Variants in PMPCB observed in about 807,000 individuals in gnomAD.
PMPCB encodes the protein peptidase, mitochondrial processing subunit beta.
PMPCB carries 46 observed loss-of-function variants against 61.5 expected under a neutral mutation model. The ratio of observed to expected loss-of-function variants is 0.75; its 90% confidence interval spans 0.59 to 0.96. The LOEUF is 0.96. PMPCB is among the 40% of genes least tolerant of loss of function. The probability of loss-of-function intolerance (pLI) is 0.00; values close to 1 mark genes in which losing one functional copy is unlikely to be tolerated. For synonymous variants in PMPCB, 191 were observed against 201.6 expected, an observed-to-expected ratio of 0.95 and a Z score of 0.44; for missense variants, 590 against 602.4, an observed-to-expected ratio of 0.98 and a Z score of 0.22.
At position 103,313,707 on chromosome 7, in the gene PMPCB, C is replaced by G; in HGVS notation, c.*1436C>G. 1.0e-6 allele frequency: 1 copy of G among 985,354 alleles called. No homozygotes were observed. The highest frequency in any genetic ancestry group is 1.2e-6 in the Non-Finnish European group (1 of 829,864). The allele number at this position is 985,354 out of a possible 1,614,324, so 61.0% of individuals were successfully genotyped here. A position where few individuals can be genotyped will look rare whatever the true frequency, so the allele number is the denominator to read the frequency against. On this transcript the variant is annotated 3_prime_UTR_variant, in exon 13 of 13. Transcript: ENST00000249269. ...CTTGGGAGCCGATGCTGAACACTTC[C>G]AATAACTGCTATTGTGGTTCTTCAA...
At chr7:103,332,321 T>A (rs1314223753), downstream of PMPCB, among the ~76,000 whole-genome samples, 1 of 152,228 alleles carries the variant, frequency 6.6e-6, no homozygotes, top group Admixed American at 6.5e-5. Flanking sequence ...CTATTATTTT[T>A]AACATTTTAA....
chr7:103,302,362 CAT>C (rs1817473649), intron 4 of PMPCB, among the ~76,000 whole-genome samples: 1 of 152,068 alleles, frequency 6.6e-6, no homozygotes, highest in African/African-American at 2.4e-5. Flanking sequence ...ACTATACTAA[CAT>C]ATATTAAATA....
At chr7:103,331,670 A>G (rs1052200412), downstream of PMPCB, among the ~76,000 whole-genome samples, 2 of 152,188 alleles carry the variant, frequency 1.3e-5, no homozygotes, top group African/African-American at 2.4e-5. Context: ...AGTTCCATCT[A>G]TATTTCTGCA....
chr7:103,298,222 A>G (rs1166542718), intron 1 of PMPCB, among the ~76,000 whole-genome samples: 1 of 151,678 alleles, frequency 6.6e-6, no homozygotes, highest in Non-Finnish European at 1.5e-5. Flanking sequence ...AGTTTTACAT[A>G]GTTTCCCTCT....
chr7:103,334,473 G>A (rs902861899), downstream of PMPCB, among the ~76,000 whole-genome samples: 3 of 151,846 alleles, frequency 2.0e-5, no homozygotes, highest in African/African-American at 7.3e-5. Context: ...TGAGGCAGAA[G>A]AATGAGGCAG....
chr7:103,311,942 T>C, intron 11 of PMPCB, 46 bp downstream of exon 11: 1 of 1,527,574 alleles, frequency 6.5e-7, no homozygotes. Flanking sequence ...AAAAGATCCT[T>C]GTTACAAAAG....
In PMPCB at chr7:103,312,901, G is replaced by A. The variant is rs764271264; in HGVS notation, c.*630G>A. On this transcript the variant is annotated 3_prime_UTR_variant, in exon 13 of 13. Transcript: ENST00000249269. Reference sequence around the variant, plus strand: ...ATAAAATATGAGCTATATCACCCAAGCTACAATTTAAAATACAACAATCTA... The same window carrying A: ...ATAAAATATGAGCTATATCACCCAAACTACAATTTAAAATACAACAATCTA... 1 of 1,580,294 alleles carries A rather than the reference G, an allele frequency of 6.3e-7. No individual in the cohort carries two copies. The highest frequency in any genetic ancestry group is 2.2e-5 in the East Asian group (1 of 44,704).
downstream of PMPCB, chr7:103,319,538 T>A: frequency 7.2e-7 from 1 of 1,384,416 alleles, no homozygotes; most frequent in Non-Finnish European, 1.0e-6. Context: ...GACTTATATA[T>A]TAGGTGAAGA....
intron 3 of PMPCB, 52 bp downstream of exon 3, chr7:103,299,581 CAA>C: frequency 9.6e-7 from 1 of 1,038,998 alleles, no homozygotes. Context: ...ATAATAAGCA[CAA>C]AGTCTCATTC....
At chr7:103,308,902 T>C (rs777707300) in intron 7 of PMPCB, 50 bp from the exon 8 acceptor site, 1 of 1,422,290 alleles carries the variant, frequency 7.0e-7, no homozygotes, top group Non-Finnish European at 9.4e-7. Context: ...AATAAGCATG[T>C]TATATAATGT....
intron 12 of PMPCB, among the ~76,000 whole-genome samples, chr7:103,327,029 C>A (rs952170889): frequency 5.9e-5 from 9 of 152,152 alleles, no homozygotes; most frequent in Non-Finnish European, 1.2e-4. Context: ...TTCTGGAGCA[C>A]TGTGTAAGAG....
At position 103,313,610 on chromosome 7, in the gene PMPCB, C is replaced by T; in HGVS notation, c.*1339C>T. 2.0e-6 allele frequency: 2 copies of T among 983,682 alleles called. No homozygotes were observed. The highest frequency in any genetic ancestry group is 2.4e-6 in the Non-Finnish European group (2 of 828,402). 60.9% of individuals were successfully genotyped at this position (983,682 alleles called of 1,614,324 possible). A position where few individuals can be genotyped will look rare whatever the true frequency, so the allele number is the denominator to read the frequency against. On this transcript the variant is annotated 3_prime_UTR_variant, in exon 13 of 13. Coordinates refer to ENST00000249269, the MANE Select transcript of PMPCB (RefSeq NM_004279.3). ...AAATTAAGCCAAGTGCCCAAGGTAC[C>T]AGTGCTGGAGAGGCAAGCTGAGATT...
chr7:103,346,530 C>T, the PMPCB span, among the ~76,000 whole-genome samples: 13,612 of 152,260 alleles, frequency 0.089, 654 homozygotes, highest in South Asian at 0.13. Context: ...AGTACATTCA[C>T]ATTATTGTGT....
chr7:103,327,905 G>C (rs948904458), intron 12 of PMPCB: 15 of 548,890 alleles, frequency 2.7e-5, no homozygotes, highest in African/African-American at 2.7e-4. Flanking sequence ...GAAAATTATA[G>C]AGAAACTGAT....
intron 12 of PMPCB, chr7:103,327,803 A>G (rs749458718): frequency 2.4e-6 from 3 of 1,230,888 alleles, no homozygotes; most frequent in Non-Finnish European, 3.5e-6. Context: ...AGCACCAAAA[A>G]TAAAGATGAG....
At chr7:103,333,030 T>G (rs1819036369), downstream of PMPCB, among the ~76,000 whole-genome samples, 1 of 152,236 alleles carries the variant, frequency 6.6e-6, no homozygotes, top group Admixed American at 6.5e-5. Flanking sequence ...TGCATTATAC[T>G]TACTGGGTGA....
At chr7:103,341,664 T>C in the PMPCB span, 2 of 994,252 alleles carry the variant, frequency 2.0e-6, no homozygotes, top group African/African-American at 3.3e-5. Flanking sequence ...GTTATCTTGC[T>C]GAATCATCTT....
chr7:103,320,639 G>A (rs1818335974), intron 12 of PMPCB, among the ~76,000 whole-genome samples: 1 of 151,038 alleles, frequency 6.6e-6, no homozygotes, highest in Non-Finnish European at 1.5e-5. Flanking sequence ...AGCTACTCGG[G>A]AGGCTGAGGC....
At chr7:103,342,367 G>T in the PMPCB span, among the ~76,000 whole-genome samples, 1 of 151,410 alleles carries the variant, frequency 6.6e-6, no homozygotes, top group African/African-American at 2.4e-5. Flanking sequence ...ATGCAATGGC[G>T]AGATCTCGGC....
Sources: allele counts gnomAD v4.1 joint callset (sites outside exome capture counted in the v4.1 genomes callset), GRCh38; gene constraint gnomAD v4.1.1; transcripts MANE v1.5; gene names NCBI Gene and HGNC (gene_info 2026-07-23, HGNC 2026-07-21).